The following NT5DC1 variants were observed in gnomAD, a reference collection of about 807,000 sequenced individuals.
NT5DC1 encodes 5'-nucleotidase domain containing 1.
In NT5DC1, 42 loss-of-function variants were observed where a neutral mutation model predicts 59.4. The ratio of observed to expected loss-of-function variants is 0.71; its 90% confidence interval spans 0.55 to 0.92. The LOEUF (loss-of-function observed/expected upper bound fraction) is 0.92, where lower values mean the gene tolerates loss of function less well. Ranked by LOEUF, NT5DC1 falls within the 40% of genes least tolerant of loss-of-function variation. NT5DC1 has a pLI of 0.00. For synonymous variants in NT5DC1, 172 were observed against 188.1 expected (o/e 0.91, Z 0.70); for missense variants, 501 against 537.1 (o/e 0.93, Z 0.66).
At chr6:116,106,378 C>CTGTGGTTCTAATTGTTACGAAA in intron 2 of NT5DC1, 43 bp downstream of exon 2, 1 of 854,528 alleles carries the variant, frequency 1.2e-6, no homozygotes, top group East Asian at 2.5e-5. Flanking sequence ...TGTACATTTC[C>CTGTGGTTCTAATTGTTACGAAA]TGTGGTTCTA....
intron 6 of NT5DC1, among the ~76,000 whole-genome samples, chr6:116,153,624 G>A (rs148839543): frequency 8.5e-5 from 13 of 152,182 alleles, no homozygotes; most frequent in African/African-American, 3.1e-4. Context: ...ACCTAGTTAG[G>A]CTTCAGAAAT....
At chr6:116,222,410 C>T (rs774654107) in intron 7 of NT5DC1, among the ~76,000 whole-genome samples, 6 of 152,060 alleles carry the variant, frequency 3.9e-5, no homozygotes, top group Non-Finnish European at 7.4e-5. Flanking sequence ...TACTGTTTCC[C>T]CCATTGTAAT....
At chr6:116,131,325 G>A (rs532231305) in intron 6 of NT5DC1, among the ~76,000 whole-genome samples, 1 of 152,144 alleles carries the variant, frequency 6.6e-6, no homozygotes, top group South Asian at 2.1e-4. Context: ...TATCCACCCT[G>A]TGTTTCACCT....
intron 6 of NT5DC1, among the ~76,000 whole-genome samples, chr6:116,158,913 C>T (rs990894598): frequency 6.6e-6 from 1 of 152,110 alleles, no homozygotes; most frequent in Non-Finnish European, 1.5e-5. Context: ...TTTTGAGACG[C>T]AGATGGGGAT....
intron 6 of NT5DC1, among the ~76,000 whole-genome samples, chr6:116,153,742 T>C (rs1182245260): frequency 6.6e-6 from 1 of 152,156 alleles, no homozygotes; most frequent in East Asian, 1.9e-4. Flanking sequence ...CTTACTGGTT[T>C]AGTCATATTC....
chr6:116,210,544 G>T (rs147651587), intron 6 of NT5DC1, among the ~76,000 whole-genome samples: 1 of 151,768 alleles, frequency 6.6e-6, no homozygotes, highest in Admixed American at 6.6e-5. Context: ...TCTGTATCTC[G>T]GATTTTCAGT....
At chr6:116,180,033 C>G (rs1780840280) in intron 6 of NT5DC1, among the ~76,000 whole-genome samples, 1 of 151,976 alleles carries the variant, frequency 6.6e-6, no homozygotes, top group African/African-American at 2.4e-5. Context: ...TTTTTTATTG[C>G]AAAATACCGT....
At chr6:116,147,275 C>G (rs1779921373) in intron 6 of NT5DC1, among the ~76,000 whole-genome samples, 1 of 151,726 alleles carries the variant, frequency 6.6e-6, no homozygotes, top group African/African-American at 2.4e-5. Context: ...AATCCCGACT[C>G]TACTAAAAAT....
chr6:116,162,795 A>G (rs930115483), intron 6 of NT5DC1, among the ~76,000 whole-genome samples: 1 of 152,094 alleles, frequency 6.6e-6, no homozygotes, highest in Non-Finnish European at 1.5e-5. Context: ...TCATAGAATG[A>G]GTTTAGGAGG....
intron 3 of NT5DC1, among the ~76,000 whole-genome samples, chr6:116,109,507 C>T (rs565519473): frequency 6.6e-6 from 1 of 152,338 alleles, no homozygotes; most frequent in East Asian, 1.9e-4. Flanking sequence ...GTTTCTTTCT[C>T]TCTTTGTTCT....
Position 116,165,826 on chromosome 6 carries a change from C to T in NT5DC1, c.529+47881C>T, listed in dbSNP as rs114837607. 4.0e-3 allele frequency among the ~76,000 whole-genome samples: 617 copies of T among 152,352 alleles called. 4 individuals are homozygous for T. The highest frequency in any genetic ancestry group is 0.014 in the African/African-American group (575 of 41,580). On this transcript the variant is annotated intron_variant, in intron 6 of 11. Transcript: ENST00000319550. ...GTCCCCTGTGGTTGTCAAGTCAGAG[C>T]AGGTTCTGGGCTATGTTTGCAGGGT... is the stretch of plus-strand genomic sequence containing the variant.
intron 5 of NT5DC1, 60 bp downstream of exon 5, chr6:116,115,830 T>C: frequency 5.0e-6 from 4 of 804,792 alleles, no homozygotes. Flanking sequence ...TTGGAGGACC[T>C]AATTATATAT....
At chr6:116,133,247 T>G (rs1779512995) in intron 6 of NT5DC1, among the ~76,000 whole-genome samples, 1 of 152,212 alleles carries the variant, frequency 6.6e-6, no homozygotes, top group Non-Finnish European at 1.5e-5. Flanking sequence ...GGATCTTGGC[T>G]ACCCAATGGG....
intron 6 of NT5DC1, among the ~76,000 whole-genome samples, chr6:116,165,708 G>T (rs921132493): frequency 2.6e-5 from 4 of 152,156 alleles, no homozygotes; most frequent in African/African-American, 7.2e-5. Flanking sequence ...TCCCAAGGGG[G>T]TTCTTAGTGG....
At chr6:116,110,767 A>G in intron 3 of NT5DC1, 83 bp from the exon 4 acceptor site, 1 of 991,634 alleles carries the variant, frequency 1.0e-6, no homozygotes, top group Non-Finnish European at 1.6e-6. Flanking sequence ...TCCAGTGGCA[A>G]CAGGGATCAA....
intron 6 of NT5DC1, among the ~76,000 whole-genome samples, chr6:116,129,924 TCACA>T (rs1779420377): frequency 6.6e-6 from 1 of 152,170 alleles, no homozygotes; most frequent in African/African-American, 2.4e-5. Context: ...ACACATTCAC[TCACA>T]CACAGATACA....
intron 8 of NT5DC1, among the ~76,000 whole-genome samples, chr6:116,229,601 G>A (rs553538762): frequency 9.9e-5 from 15 of 152,268 alleles, no homozygotes; most frequent in Middle Eastern, 3.4e-3. Context: ...TCTCTATCAC[G>A]TGCAGTGCGT....
rs1562177823 is a variant in NT5DC1, at chr6:116,238,984, A to G, written c.1113A>G (p.Ser371=). 2 of 1,606,200 alleles carry G rather than the reference A, an allele frequency of 1.2e-6. No homozygotes were observed. Among genetic ancestry groups the G allele is most frequent in the East Asian group, 2.2e-5 (1 of 44,752 alleles). ...EGPKAKPLNT[S]SKKWGSFFID... ...CAAAAGCAAAACCTTTAAATACTTC[A>G]TCTAAAAAATGGGGCTCTTTTTTTA... Residue 371 remains serine (S), a synonymous_variant, in exon 11 of 12, where the codon TCA becomes TCG. Transcript: ENST00000319550.
chr6:116,177,667 T>G (rs1780763477), intron 6 of NT5DC1, among the ~76,000 whole-genome samples: 2 of 152,208 alleles, frequency 1.3e-5, no homozygotes, highest in Admixed American at 1.3e-4. Flanking sequence ...AATTCGTGGA[T>G]ATAAGAGATA....
Sources: gnomAD v4.1 joint callset for allele counts (sites outside exome capture counted in the v4.1 genomes callset) on GRCh38, gnomAD v4.1.1 for gene constraint, MANE v1.5 for transcripts, NCBI Gene and HGNC (gene_info 2026-07-23, HGNC 2026-07-21) for gene names.